TSPEAR: variants seen among roughly 807,000 people sequenced by gnomAD.
TSPEAR encodes the protein thrombospondin-type laminin G domain and EAR repeat-containing protein.
TSPEAR carries 69 observed loss-of-function variants against 71.6 expected under a neutral mutation model. That is an observed-to-expected ratio of 0.96 (90% CI 0.79 to 1.18). TSPEAR has a LOEUF of 1.18. TSPEAR is among the 50% of genes most tolerant of loss of function. The pLI is 0.00. For synonymous variants in TSPEAR, 402 were observed against 387.2 expected (o/e 1.04, Z -0.45); for missense variants, 971 against 894.9 (o/e 1.09, Z -1.09).
At chr21:44,647,926 C>T (rs1279726733) in intron 1 of TSPEAR, among the ~76,000 whole-genome samples, 4 of 152,226 alleles carry the variant, frequency 2.6e-5, no homozygotes, top group African/African-American at 7.2e-5. Flanking sequence ...TTGGGCCACC[C>T]GCCCATGCCT....
At chr21:44,637,980 C>T in intron 1 of TSPEAR, 1 of 1,613,872 alleles carries the variant, frequency 6.2e-7, no homozygotes, top group Non-Finnish European at 8.5e-7. Flanking sequence ...AGACCCTCCT[C>T]CTCCGTGTCC....
At chr21:44,627,823 G>T in intron 1 of TSPEAR, 1 of 1,613,630 alleles carries the variant, frequency 6.2e-7, no homozygotes, top group South Asian at 1.1e-5. Context: ...CTGCCAGCCG[G>T]CTTGCTGCAC....
chr21:44,553,495 C>A (rs1025363705), intron 2 of TSPEAR, among the ~76,000 whole-genome samples: 1 of 151,878 alleles, frequency 6.6e-6, no homozygotes, highest in Non-Finnish European at 1.5e-5. Context: ...TGAGTTCTTC[C>A]AAACGCCGAG....
At chr21:44,579,999 C>T (rs782460679) in intron 1 of TSPEAR, 7 of 1,595,172 alleles carry the variant, frequency 4.4e-6, no homozygotes, top group South Asian at 2.2e-5. Flanking sequence ...GTGGAAGCCC[C>T]AGAGCAGACG....
At chr21:44,549,229 G>A (rs2053357015) in intron 2 of TSPEAR, among the ~76,000 whole-genome samples, 1 of 152,278 alleles carries the variant, frequency 6.6e-6, no homozygotes, top group South Asian at 2.1e-4. Flanking sequence ...AATGTGAGCT[G>A]GTGCTGTGGC....
chr21:44,631,388 T>C (rs1342669133), intron 1 of TSPEAR, among the ~76,000 whole-genome samples: 2 of 152,066 alleles, frequency 1.3e-5, no homozygotes, highest in Non-Finnish European at 2.9e-5. Flanking sequence ...AACAGGTAGA[T>C]AGGTCAAGTG....
chr21:44,631,944 T>C (rs1983281272), intron 1 of TSPEAR, among the ~76,000 whole-genome samples: 1 of 152,222 alleles, frequency 6.6e-6, no homozygotes, highest in South Asian at 2.1e-4. Flanking sequence ...GGAGTTAGTG[T>C]TTAATGGGGA....
chr21:44,574,959 C>A, intron 1 of TSPEAR: 1 of 1,606,870 alleles, frequency 6.2e-7, no homozygotes. Flanking sequence ...CGTGTCCCTC[C>A]TCTGACGCCC....
At chr21:44,664,898 T>C (rs1325028694) in intron 1 of TSPEAR, among the ~76,000 whole-genome samples, 1 of 152,226 alleles carries the variant, frequency 6.6e-6, no homozygotes, top group African/African-American at 2.4e-5. Context: ...GCCTCATCCA[T>C]GCTTCTCTGT....
intron 1 of TSPEAR, among the ~76,000 whole-genome samples, chr21:44,683,916 T>A (rs1555948538): frequency 6.6e-6 from 1 of 152,180 alleles, no homozygotes. Context: ...ATCCTAGAAC[T>A]GAAAAGTACA....
rs376423915 is a variant in TSPEAR, at chr21:44,681,937, C to G, written c.82+29496G>C. 213 of 1,614,028 alleles carry G rather than the reference C, an allele frequency of 1.3e-4. No individual in the cohort carries two copies. The highest frequency in any genetic ancestry group is 1.7e-4 in the Non-Finnish European group (198 of 1,180,030). ...TGGCAGGAGGGAGCCGCATACACGA[C>G]GGGCCTGCAGCTCACGGGCACGCAC... On this transcript the variant is annotated intron_variant, in intron 1 of 11. Transcript: ENST00000323084.
At chr21:44,630,595 G>A (rs1210492774) in intron 1 of TSPEAR, among the ~76,000 whole-genome samples, 3 of 151,620 alleles carry the variant, frequency 2.0e-5, no homozygotes, top group Admixed American at 2.0e-4. Flanking sequence ...TGAACTGCAG[G>A]CTCTGAGCAA....
chr21:44,599,449 G>A (rs1980624701), intron 1 of TSPEAR, among the ~76,000 whole-genome samples: 1 of 152,170 alleles, frequency 6.6e-6, no homozygotes, highest in African/African-American at 2.4e-5. Flanking sequence ...CCTCTCCCCT[G>A]GGTAGGGGCC....
chr21:44,611,547 G>C (rs1981671618), intron 1 of TSPEAR, among the ~76,000 whole-genome samples: 1 of 152,102 alleles, frequency 6.6e-6, no homozygotes, highest in Non-Finnish European at 1.5e-5. Context: ...TGTGAAAATG[G>C]ACTAATACAG....
chr21:44,687,507 C>T lies in TSPEAR; in HGVS notation c.82+23926G>A, dbSNP rs1986914937. Among the ~76,000 whole-genome samples, 2 of 152,184 alleles carry T rather than the reference C, an allele frequency of 1.3e-5. No individual in the cohort carries two copies. Among genetic ancestry groups the T allele is most frequent in the South Asian group, 2.1e-4 (1 of 4,832 alleles). ...ACAGGAACGCATCGCAGAAACACCG[C>T]GCGGGGTGGGAGAGGCCGGCACCAG... is the stretch of plus-strand genomic sequence containing the variant. On this transcript the variant is annotated intron_variant, in intron 1 of 11. Coordinates refer to ENST00000323084, the MANE Select transcript of TSPEAR (RefSeq NM_144991.3). The surrounding 1 kb of genome is among the most constrained non-coding windows in gnomAD (Gnocchi z 4.4).
intron 2 of TSPEAR, among the ~76,000 whole-genome samples, chr21:44,534,174 G>T (rs2053037563): frequency 3.1e-5 from 2 of 65,146 alleles, no homozygotes; most frequent in Non-Finnish European, 5.7e-5. Context: ...GCTGGTGTGA[G>T]GGGGCGGGGC....
intron 2 of TSPEAR, chr21:44,551,334 C>G (rs782451436): frequency 3.1e-6 from 5 of 1,613,166 alleles, no homozygotes; most frequent in Non-Finnish European, 4.2e-6. Flanking sequence ...CAGGGTCAGG[C>G]AGGGGGCTGG....
intron 1 of TSPEAR, among the ~76,000 whole-genome samples, chr21:44,699,091 G>A (rs554873340): frequency 2.0e-5 from 3 of 152,156 alleles, no homozygotes; most frequent in South Asian, 2.1e-4. Context: ...CCACCTACCC[G>A]GGAAGCGGAA....
At chr21:44,647,500 A>T in intron 1 of TSPEAR, 1 of 975,030 alleles carries the variant, frequency 1.0e-6, no homozygotes, top group South Asian at 1.7e-5. Context: ...AGCGCGTCAC[A>T]CTTTCCTCCC....
Sources: allele counts gnomAD v4.1 joint callset (sites outside exome capture counted in the v4.1 genomes callset), GRCh38; gene constraint gnomAD v4.1.1; non-coding constraint Gnocchi (gnomAD v3.1); transcripts MANE v1.5; gene names NCBI Gene and HGNC (gene_info 2026-07-23, HGNC 2026-07-21).